The following DNAH14 variants were observed in gnomAD, a reference collection of about 807,000 sequenced individuals.
DNAH14 encodes dynein axonemal heavy chain 14.
In DNAH14, 478 loss-of-function variants were observed where a neutral mutation model predicts 520.9. The observed-to-expected ratio is 0.92, with a 90% CI of 0.85 to 0.99. The LOEUF (loss-of-function observed/expected upper bound fraction) is 0.99, where lower values mean the gene tolerates loss of function less well. DNAH14 is among the 50% of genes least tolerant of loss of function. The probability of loss-of-function intolerance (pLI) is 0.00; values close to 1 mark genes in which losing one functional copy is unlikely to be tolerated. For missense variants in DNAH14, 4,831 were observed against 5,234.5 expected, an observed-to-expected ratio of 0.92 and a Z score of 2.38; for synonymous variants, 1,581 against 1,757.2, an observed-to-expected ratio of 0.90 and a Z score of 2.51.
chr1:224,974,729 T>C (rs1323716381), intron 8 of DNAH14, among the ~76,000 whole-genome samples: 1 of 152,164 alleles, frequency 6.6e-6, no homozygotes. Context: ...CTTCCTCTTA[T>C]TCCTACTCTC....
intron 10 of DNAH14, among the ~76,000 whole-genome samples, chr1:225,011,277 C>G (rs2064716345): frequency 2.0e-5 from 3 of 152,220 alleles, no homozygotes; most frequent in Non-Finnish European, 4.4e-5. Context: ...TAGCTGTGTC[C>G]CAGTGATTCT....
chr1:224,938,716 G>A (rs1485349256), intron 1 of DNAH14, among the ~76,000 whole-genome samples: 1 of 152,134 alleles, frequency 6.6e-6, no homozygotes, highest in African/African-American at 2.4e-5. Context: ...CAGGAAATTA[G>A]TATATCAAAG....
At chr1:224,958,726 G>A (rs2060662427) in intron 3 of DNAH14, among the ~76,000 whole-genome samples, 1 of 152,072 alleles carries the variant, frequency 6.6e-6, no homozygotes, top group African/African-American at 2.4e-5. Flanking sequence ...AGGACATCTA[G>A]AAAATGGGGG....
At chr1:225,049,982 G>A (rs1318906967) in intron 15 of DNAH14, among the ~76,000 whole-genome samples, 1 of 152,036 alleles carries the variant, frequency 6.6e-6, no homozygotes, top group Non-Finnish European at 1.5e-5. Flanking sequence ...TTTCAATCAT[G>A]CCTCCCATCA....
At chr1:224,976,533 C>T (rs2061857443) in intron 8 of DNAH14, among the ~76,000 whole-genome samples, 1 of 152,070 alleles carries the variant, frequency 6.6e-6, no homozygotes, top group Admixed American at 6.5e-5. Flanking sequence ...AAGAAACTAC[C>T]ATCAAAGTGA....
intron 17 of DNAH14, among the ~76,000 whole-genome samples, chr1:225,060,369 T>A (rs929295180): frequency 2.6e-5 from 4 of 152,194 alleles, no homozygotes; most frequent in African/African-American, 4.8e-5. Flanking sequence ...CTCCATCATG[T>A]CCTTTAAGAA....
chr1:225,118,394 G>C (rs567917208), intron 25 of DNAH14, among the ~76,000 whole-genome samples: 2 of 152,252 alleles, frequency 1.3e-5, no homozygotes, highest in Admixed American at 1.3e-4. Flanking sequence ...GCTGATCTCT[G>C]GTTTCACTGT....
At chr1:224,962,280 A>AT (rs1254009192) in intron 4 of DNAH14, among the ~76,000 whole-genome samples, 10 of 152,002 alleles carry the variant, frequency 6.6e-5, no homozygotes. Context: ...TGGCAAAGGG[A>AT]TTTTCAGATG....
intron 48 of DNAH14, among the ~76,000 whole-genome samples, chr1:225,265,627 T>G (rs1158330560): frequency 6.6e-6 from 1 of 152,062 alleles, no homozygotes; most frequent in Non-Finnish European, 1.5e-5. Context: ...GACTGGAAAA[T>G]GGGTTAGATG....
chr1:225,177,998 A>G (rs7533376), intron 36 of DNAH14, among the ~76,000 whole-genome samples: 47,836 of 151,956 alleles, frequency 0.31, 8,708 homozygotes, highest in East Asian at 0.61. Flanking sequence ...AAACAGCCAG[A>G]AAAGAGGCTG....
intron 37 of DNAH14, among the ~76,000 whole-genome samples, chr1:225,192,128 A>G (rs1475826945): frequency 6.6e-6 from 1 of 152,040 alleles, no homozygotes; most frequent in Non-Finnish European, 1.5e-5. Flanking sequence ...TAATTTCCCA[A>G]AGATTTTACC....
intron 64 of DNAH14, among the ~76,000 whole-genome samples, chr1:225,327,376 T>C (rs1042467891): frequency 1.3e-5 from 2 of 152,072 alleles, no homozygotes; most frequent in African/African-American, 2.4e-5. Flanking sequence ...TTAGCCAGGA[T>C]GGTCTCGATT....
At chr1:225,378,261 T>C (rs2095729662) in intron 79 of DNAH14, among the ~76,000 whole-genome samples, 1 of 152,122 alleles carries the variant, frequency 6.6e-6, no homozygotes, top group Admixed American at 6.5e-5. Flanking sequence ...TAGAGACTTG[T>C]CTGTGGGACT....
chr1:225,234,896 G>T (rs1171106510), intron 42 of DNAH14, among the ~76,000 whole-genome samples: 1 of 152,158 alleles, frequency 6.6e-6, no homozygotes, highest in Non-Finnish European at 1.5e-5. Context: ...CATTGATTTT[G>T]TATTCTCAGA....
chr1:225,167,083 T>G (rs2149194127), intron 35 of DNAH14, among the ~76,000 whole-genome samples: 1 of 152,330 alleles, frequency 6.6e-6, no homozygotes, highest in African/African-American at 2.4e-5. Context: ...AGGCCTGAAG[T>G]GGGCAGTCTC....
intron 22 of DNAH14, among the ~76,000 whole-genome samples, chr1:225,098,435 A>G (rs1308615589): frequency 6.6e-6 from 1 of 152,236 alleles, no homozygotes; most frequent in African/African-American, 2.4e-5. Context: ...CCATTCTGAA[A>G]TAAGGTAGGA....
intron 1 of DNAH14, among the ~76,000 whole-genome samples, chr1:224,944,223 T>C (rs1023612061): frequency 2.0e-5 from 3 of 152,226 alleles, no homozygotes; most frequent in African/African-American, 7.2e-5. Flanking sequence ...CTCTTCTTGT[T>C]GAATTGATCC....
chr1:225,174,812 T>A (rs2083133845), intron 36 of DNAH14, among the ~76,000 whole-genome samples: 1 of 152,234 alleles, frequency 6.6e-6, no homozygotes, highest in Non-Finnish European at 1.5e-5. Flanking sequence ...TGTGGGTTTG[T>A]CGTATATTCA....
rs544472262 is a variant in DNAH14, at chr1:225,038,776, A to C, written c.1441A>C (p.Ile481Leu). The change falls in exon 12 of 86, where the codon ATT (isoleucine) becomes CTT (leucine). Residue 481 changes from isoleucine (I) to leucine (L), a missense_variant. Transcript: ENST00000682510. ...ELVDNSKLHA[I>L]SVQKSEVKTD... Reference sequence around the variant, plus strand: ...TGTTGATAATTCAAAGTTACATGCTATTTCTGTTCAAAAGTCAGAAGTAAA... The same window carrying C: ...TGTTGATAATTCAAAGTTACATGCTCTTTCTGTTCAAAAGTCAGAAGTAAA... 4.1e-5 allele frequency: 62 copies of C among 1,525,588 alleles called. No homozygotes were observed. The Admixed American group carries it at 1.3e-3, about 32-fold the overall frequency. 94.5% of individuals were successfully genotyped at this position (1,525,588 alleles called of 1,614,324 possible).
Sources: allele counts gnomAD v4.1 joint callset (sites outside exome capture counted in the v4.1 genomes callset), GRCh38; gene constraint gnomAD v4.1.1; transcripts MANE v1.5; gene names NCBI Gene and HGNC (gene_info 2026-07-23, HGNC 2026-07-21).